Variants in RFPL1 observed in about 807,000 individuals in gnomAD.
RFPL1 encodes the protein ret finger protein-like 1.
A neutral mutation model predicts 9.6 loss-of-function variants in RFPL1; 6 were observed. The observed-to-expected ratio is 0.62, with a 90% CI of 0.34 to 1.23. RFPL1 has a LOEUF of 1.23. Among genes scored for constraint, RFPL1 ranks in the 50% most tolerant of loss-of-function variants. RFPL1 has a pLI of 0.03. For missense variants in RFPL1, 352 were observed against 398.4 expected (o/e 0.88, Z 0.99); for synonymous variants, 145 against 149.4 (o/e 0.97, Z 0.22).
At chr22:29,435,011 T>G (rs2062802010), upstream of RFPL1, 1 of 152,222 alleles carries the variant, frequency 6.6e-6, no homozygotes, top group Non-Finnish European at 1.5e-5. Flanking sequence ...AAATAAACTT[T>G]TAGCCACAAA....
At chr22:29,392,378 CTTTTTTTTTTTT>C in the RFPL1 span, among the ~76,000 whole-genome samples, 67 of 46,284 alleles carry the variant, frequency 1.4e-3, no homozygotes, top group Non-Finnish European at 1.8e-3. Flanking sequence ...CCACACCTGG[CTTTTTTTTTTTT>C]TTTTTTTTTT....
the RFPL1 span, chr22:29,433,254 G>A: frequency 2.0e-5 from 3 of 149,400 alleles, no homozygotes; most frequent in African/African-American, 5.0e-5. Flanking sequence ...TGGCACCACA[G>A]CACTCCAGCC....
chr22:29,435,988 T>A (rs555977476), upstream of RFPL1, among the ~76,000 whole-genome samples: 192 of 152,120 alleles, frequency 1.3e-3, no homozygotes, highest in African/African-American at 4.5e-3. Flanking sequence ...GGGAGCTAAA[T>A]GAAAAATGCT....
the RFPL1 span, among the ~76,000 whole-genome samples, chr22:29,410,587 CTATATATAGA>C: frequency 1.3e-5 from 1 of 78,750 alleles, no homozygotes; most frequent in Non-Finnish European, 2.3e-5. Flanking sequence ...ATATATCTAT[CTATATATAGA>C]TATATATAGA....
At chr22:29,388,441 TCCCGGCGCC>T in the RFPL1 span, 1 of 152,214 alleles carries the variant, frequency 6.6e-6, no homozygotes, top group East Asian at 1.9e-4. Context: ...TCCCAATAGC[TCCCGGCGCC>T]CCGGCTCGGT....
the RFPL1 span, among the ~76,000 whole-genome samples, chr22:29,430,013 A>G: frequency 2.3e-4 from 33 of 145,140 alleles, no homozygotes; most frequent in Admixed American, 2.3e-3. Context: ...GTTATCAGAA[A>G]CAATGTTTCC....
exon 1 of RFPL1, chr22:29,439,062 A>C (rs775094034): frequency 6.2e-7 from 1 of 1,614,186 alleles, no homozygotes; most frequent in East Asian, 2.2e-5. Flanking sequence ...GAACAAAATC[A>C]GGCCCAGTTG....
the RFPL1 span, among the ~76,000 whole-genome samples, chr22:29,410,626 G>GATATAT: frequency 1.2e-4 from 15 of 130,416 alleles, no homozygotes; most frequent in South Asian, 2.4e-4. Flanking sequence ...TCTATATATA[G>GATATAT]ATAGATATAT....
At chr22:29,429,332 G>T in the RFPL1 span, among the ~76,000 whole-genome samples, 1 of 152,098 alleles carries the variant, frequency 6.6e-6, no homozygotes, top group Non-Finnish European at 1.5e-5. Flanking sequence ...GAGATTACAG[G>T]CATGAGCCAC....
chr22:29,426,979 C>T, the RFPL1 span, among the ~76,000 whole-genome samples: 1 of 152,182 alleles, frequency 6.6e-6, no homozygotes, highest in African/African-American at 2.4e-5. Flanking sequence ...GAGGCTCAGC[C>T]TTTACATCCA....
At chr22:29,412,771 G>C in the RFPL1 span, among the ~76,000 whole-genome samples, 4 of 152,222 alleles carry the variant, frequency 2.6e-5, no homozygotes, top group East Asian at 1.9e-4. Flanking sequence ...TTCACAGCCT[G>C]TCCAGCCTAT....
exon 2 of RFPL1, chr22:29,441,981 G>A (rs141894352): frequency 1.9e-6 from 3 of 1,613,964 alleles, no homozygotes; most frequent in Non-Finnish European, 2.5e-6. Context: ...ATACATTCAG[G>A]AGTGTCTCTG....
chr22:29,438,041 T>C (rs1434527599), upstream of RFPL1: 1 of 244,112 alleles, frequency 4.1e-6, no homozygotes, highest in Non-Finnish European at 7.7e-6. Context: ...TCACTGCTAA[T>C]TTTTCTATTA....
the RFPL1 span, among the ~76,000 whole-genome samples, chr22:29,407,079 TTG>T: frequency 0.048 from 7,049 of 145,912 alleles, 291 homozygotes; most frequent in African/African-American, 0.11. Context: ...AGTTGTTCTT[TTG>T]TGTGTGTGTG....
At chr22:29,406,155 A>AAAAAAC in the RFPL1 span, among the ~76,000 whole-genome samples, 1 of 132,676 alleles carries the variant, frequency 7.5e-6, no homozygotes. Flanking sequence ...AATAAAAAAA[A>AAAAAAC]AGAAATAACA....
exon 2 of RFPL1, chr22:29,441,968 T>C (rs1389466860): frequency 6.2e-7 from 1 of 1,613,992 alleles, no homozygotes; most frequent in Non-Finnish European, 8.5e-7. Flanking sequence ...GGTTCCCATG[T>C]CTATACATTC....
chr22:29,424,763 A>C, the RFPL1 span, among the ~76,000 whole-genome samples: 1 of 149,294 alleles, frequency 6.7e-6, no homozygotes. Flanking sequence ...CGGAGGTTGC[A>C]GTGAGCCAAG....
exon 2 of RFPL1, chr22:29,442,283 G>A: frequency 4.0e-6 from 2 of 502,576 alleles, no homozygotes; most frequent in Non-Finnish European, 6.8e-6. Context: ...TATAAATTGA[G>A]TCCTAAGTAT....
At chr22:29,410,573 G>GTAGATATATCTATATATAGATATATA in the RFPL1 span, among the ~76,000 whole-genome samples, 1 of 43,518 alleles carries the variant, frequency 2.3e-5, no homozygotes, top group Non-Finnish European at 4.0e-5. Flanking sequence ...TATATATATT[G>GTAGATATATCTATATATAGATATATA]TAGATATATC....
Sources: allele counts gnomAD v4.1 joint callset (sites outside exome capture counted in the v4.1 genomes callset), GRCh38; gene constraint gnomAD v4.1.1; transcripts MANE v1.5; gene names NCBI Gene and HGNC (gene_info 2026-07-23, HGNC 2026-07-21).